Variants in SYCP2L observed in about 807,000 individuals in gnomAD.
The protein encoded by SYCP2L is synaptonemal complex protein 2 like, also known as synaptonemal complex protein 2-like.
Under a neutral mutation model 125.8 loss-of-function variants are expected in SYCP2L, and 98 were observed. That is an observed-to-expected ratio of 0.78 (90% CI 0.66 to 0.92). SYCP2L has a LOEUF of 0.92. SYCP2L is among the 40% of genes least tolerant of loss of function. The pLI, the probability that SYCP2L is intolerant of heterozygous loss-of-function variation, is 0.00. For synonymous variants in SYCP2L, 317 were observed against 325.4 expected (o/e 0.97, Z 0.28); for missense variants, 842 against 936.4 (o/e 0.90, Z 1.32).
At chr6:10,932,176 G>A (rs1781008157) in intron 20 of SYCP2L, among the ~76,000 whole-genome samples, 1 of 151,886 alleles carries the variant, frequency 6.6e-6, no homozygotes, top group African/African-American at 2.4e-5. Context: ...TAATTATTTA[G>A]ACATTTATTT....
intron 2 of SYCP2L, 57 bp downstream of exon 2, chr6:10,891,638 T>TATATGA: frequency 1.7e-5 from 12 of 725,940 alleles, no homozygotes; most frequent in Non-Finnish European, 2.5e-5. Context: ...TGTGTGTGTG[T>TATATGA]GTGTGTGTGT....
intron 24 of SYCP2L, 140 bp downstream of exon 24, chr6:10,955,357 C>A: frequency 1.8e-6 from 1 of 567,570 alleles, no homozygotes; most frequent in South Asian, 2.7e-5. Flanking sequence ...AGCTTTTGTG[C>A]TTTTGGAGAC....
rs978133754 is a variant in SYCP2L, at chr6:10,912,412, G to A, written c.919-261G>A. 2.0e-5 allele frequency among the ~76,000 whole-genome samples: 3 copies of A among 152,270 alleles called. No homozygotes were observed. The highest frequency in any genetic ancestry group is 7.2e-5 in the African/African-American group (3 of 41,558). ...CATTAGAAAAAAAATTGTGTGGATA[G>A]AATAATGTGACACATTTAAATATCT... On this transcript the variant is annotated intron_variant, in intron 12 of 29. Coordinates refer to ENST00000283141, the MANE Select transcript of SYCP2L (RefSeq NM_001040274.3). The surrounding 1 kb of genome is among the most constrained non-coding windows in gnomAD (Gnocchi z 4.1).
At chr6:10,893,651 T>A (rs1228482447) in intron 2 of SYCP2L, among the ~76,000 whole-genome samples, 3 of 152,160 alleles carry the variant, frequency 2.0e-5, no homozygotes, top group Admixed American at 6.5e-5. Flanking sequence ...CTGTTGGTGG[T>A]CTAGGAACCA....
intron 21 of SYCP2L, among the ~76,000 whole-genome samples, chr6:10,939,114 C>T (rs1343239881): frequency 6.7e-6 from 1 of 148,512 alleles, no homozygotes; most frequent in Non-Finnish European, 1.5e-5. Context: ...AACGAGACTC[C>T]ATCTCAAAAA....
chr6:10,928,550 C>G (rs1385243270), intron 18 of SYCP2L, 100 bp downstream of exon 18: 1 of 1,403,322 alleles, frequency 7.1e-7, no homozygotes, highest in Non-Finnish European at 9.3e-7. Flanking sequence ...TTTCTCCTGG[C>G]CAACCATCTG....
intron 21 of SYCP2L, 64 bp from the exon 22 acceptor site, chr6:10,942,395 T>C: frequency 9.9e-7 from 1 of 1,014,836 alleles, no homozygotes; most frequent in South Asian, 1.7e-5. Context: ...TCTAGAATGA[T>C]AGTGAATTCT....
At chr6:10,924,129 G>A (rs2113344907) in intron 14 of SYCP2L, among the ~76,000 whole-genome samples, 1 of 152,256 alleles carries the variant, frequency 6.6e-6, no homozygotes, top group Non-Finnish European at 1.5e-5. Flanking sequence ...GAGAGAGAGT[G>A]AATATTGTGC....
At chr6:10,887,289 G>A (rs1165003900) in intron 1 of SYCP2L, among the ~76,000 whole-genome samples, 154 bp downstream of exon 1, 2 of 152,228 alleles carry the variant, frequency 1.3e-5, no homozygotes, top group African/African-American at 2.4e-5. Context: ...GGGTTTGCTC[G>A]GAGTGTATTG....
At chr6:10,970,816 G>A (rs140330056) in intron 29 of SYCP2L, among the ~76,000 whole-genome samples, 1 of 152,268 alleles carries the variant, frequency 6.6e-6, no homozygotes, top group East Asian at 1.9e-4. Context: ...TGGATAAGTT[G>A]ACCTAGGGAC....
chr6:10,903,046 G>T (rs909903776), intron 8 of SYCP2L, 83 bp downstream of exon 8: 8 of 1,111,240 alleles, frequency 7.2e-6, no homozygotes, highest in Non-Finnish European at 1.4e-6. Flanking sequence ...GTTCTACTTA[G>T]ACCTGATTAT....
rs377600077 is a variant in SYCP2L at position 10,911,894 on chromosome 6, C to CTTTCTTTTT, written c.919-776_919-775insCTTTTTTTT. On this transcript the variant is annotated intron_variant, in intron 12 of 29. Coordinates refer to ENST00000283141, the MANE Select transcript of SYCP2L (RefSeq NM_001040274.3). ...TTTATCTGTTGTTGGGGAATAAAAG[C>CTTTCTTTTT]TTTTTTTTTTTTTTTTTTTTTTTTT... is the stretch of plus-strand genomic sequence containing the variant. 7.1e-3 allele frequency among the ~76,000 whole-genome samples: 355 copies of CTTTCTTTTT among 50,040 alleles called. 47 individuals are homozygous for CTTTCTTTTT. The highest frequency in any genetic ancestry group is 0.056 in the Middle Eastern group (1 of 18). 32.8% of individuals were successfully genotyped at this position (50,040 alleles called of 152,430 possible).
intron 14 of SYCP2L, among the ~76,000 whole-genome samples, chr6:10,918,249 G>T (rs550524115): frequency 6.6e-6 from 1 of 151,100 alleles, no homozygotes; most frequent in South Asian, 2.1e-4. Flanking sequence ...AATGTGCCTC[G>T]CCAATGATCT....
In SYCP2L at chr6:10,887,740, G is replaced by A. The variant is rs185428689; in HGVS notation, c.9+605G>A. Among the ~76,000 whole-genome samples, 24 of 152,280 alleles carry A rather than the reference G, an allele frequency of 1.6e-4. No homozygotes were observed. The East Asian group carries it at 4.1e-3, about 26-fold the overall frequency. On this transcript the variant is annotated intron_variant, in intron 1 of 29. Transcript: ENST00000283141. ...GGGCCGGTAGTTTGTTAGTTTGTTAGTGAGGACGCCAGGTGATTCTGATAG... is the reference window on the plus strand; with the variant it reads ...GGGCCGGTAGTTTGTTAGTTTGTTAATGAGGACGCCAGGTGATTCTGATAG...
intron 17 of SYCP2L, 57 bp from the exon 18 acceptor site, chr6:10,928,346 T>C (rs1780934162): frequency 1.2e-6 from 1 of 815,106 alleles, no homozygotes; most frequent in Admixed American, 2.3e-5. Flanking sequence ...AAAGTATTAA[T>C]TTGGGGAACT....
rs138431362 is a variant in SYCP2L at position 10,897,846 on chromosome 6, G to A, written c.337-165G>A. 2.2e-3 allele frequency among the ~76,000 whole-genome samples: 336 copies of A among 152,318 alleles called. 1 individual carries two copies. The highest frequency in any genetic ancestry group is 0.01 in the Middle Eastern group (3 of 294). ...CTCTGTAGTAGTATGGCACCATCCT[G>A]AAGTGTTCTGGTGGGAGGCCTCAGA... On this transcript the variant is annotated intron_variant, in intron 4 of 29. Coordinates refer to ENST00000283141, the MANE Select transcript of SYCP2L (RefSeq NM_001040274.3).
At chr6:10,941,223 A>C (rs1781213611) in intron 21 of SYCP2L, among the ~76,000 whole-genome samples, 1 of 152,232 alleles carries the variant, frequency 6.6e-6, no homozygotes, top group Non-Finnish European at 1.5e-5. Flanking sequence ...CAGCAATACC[A>C]TTCAGGACAC....
chr6:10,970,069 G>A (rs1297237225), intron 29 of SYCP2L, among the ~76,000 whole-genome samples: 2 of 152,116 alleles, frequency 1.3e-5, no homozygotes, highest in African/African-American at 4.8e-5. Flanking sequence ...AAACAGATGA[G>A]GATTCATGCC....
At chr6:10,924,450 C>T in intron 14 of SYCP2L, 46 bp from the exon 15 acceptor site, 1 of 1,416,136 alleles carries the variant, frequency 7.1e-7, no homozygotes, top group East Asian at 2.6e-5. Context: ...TAAAATAAAA[C>T]ATTGAAGTAT....
Sources: gnomAD v4.1 joint callset for allele counts (sites outside exome capture counted in the v4.1 genomes callset) on GRCh38, gnomAD v4.1.1 for gene constraint, Gnocchi (gnomAD v3.1) non-coding constraint, MANE v1.5 for transcripts, NCBI Gene and HGNC (gene_info 2026-07-23, HGNC 2026-07-21) for gene names.